SLC4A5: variants seen among roughly 807,000 people sequenced by gnomAD.
SLC4A5 encodes the protein solute carrier family 4 member 5, also known as electrogenic sodium bicarbonate cotransporter 4.
Under a neutral mutation model 120.4 loss-of-function variants are expected in SLC4A5, and 96 were observed. The observed-to-expected ratio is 0.80, with a 90% CI of 0.68 to 0.94. The LOEUF is 0.94. Among genes scored for constraint, SLC4A5 ranks in the 40% least tolerant of loss-of-function variants. The pLI is 0.00. For synonymous variants in SLC4A5, 550 were observed against 571.1 expected, an observed-to-expected ratio of 0.96 and a Z score of 0.53; for missense variants, 1,259 against 1,459.5, an observed-to-expected ratio of 0.86 and a Z score of 2.24.
chr2:74,306,507 A>G (rs72818076), intron 6 of SLC4A5, among the ~76,000 whole-genome samples: 2,252 of 152,320 alleles, frequency 0.015, 21 homozygotes, highest in Non-Finnish European at 0.025. Flanking sequence ...ACTGTCTTTG[A>G]CTGCCGAGCC....
intron 8 of SLC4A5, among the ~76,000 whole-genome samples, chr2:74,267,507 G>A (rs1671342420): frequency 6.6e-6 from 1 of 152,176 alleles, no homozygotes; most frequent in South Asian, 2.1e-4. Context: ...TGACAGGACG[G>A]ACACTACCAT....
At chr2:74,286,633 G>A (rs1671993238) in intron 7 of SLC4A5, among the ~76,000 whole-genome samples, 2 of 152,178 alleles carry the variant, frequency 1.3e-5, no homozygotes, top group Non-Finnish European at 2.9e-5. Flanking sequence ...TCTTGAGCAT[G>A]TCCTCTAGTG....
At chr2:74,227,947 A>G (rs1274098455) in intron 25 of SLC4A5, 69 bp from the exon 26 acceptor site, 3 of 1,223,708 alleles carry the variant, frequency 2.5e-6, no homozygotes, top group Non-Finnish European at 3.4e-6. Context: ...GTTCTGGATG[A>G]CAGTGGCTCC....
chr2:74,239,242 T>C (rs1167104510), intron 21 of SLC4A5, 93 bp downstream of exon 21: 3 of 1,228,408 alleles, frequency 2.4e-6, no homozygotes, highest in African/African-American at 1.5e-5. Flanking sequence ...AGTGCTCGCA[T>C]GGAGTCCATC....
intron 3 of SLC4A5, among the ~76,000 whole-genome samples, chr2:74,335,369 G>A (rs1247531260): frequency 6.6e-6 from 1 of 152,166 alleles, no homozygotes; most frequent in African/African-American, 2.4e-5. Context: ...GGGTACCTAG[G>A]AACTCGTTCT....
chr2:74,232,536 T>C (rs1357702602), exon 24 of SLC4A5: 1 of 1,613,924 alleles, frequency 6.2e-7, no homozygotes, highest in East Asian at 2.2e-5. Flanking sequence ...AGGCTGTCGA[T>C]GTGGGCGATG....
At chr2:74,264,440 G>T in intron 9 of SLC4A5, 141 bp from the exon 10 acceptor site, 1 of 928,032 alleles carries the variant, frequency 1.1e-6, no homozygotes, top group Non-Finnish European at 1.6e-6. Flanking sequence ...CACTAGCTGT[G>T]GAAAACTGGG....
At chr2:74,246,411 AG>A (rs2103969672) in intron 19 of SLC4A5, among the ~76,000 whole-genome samples, 1 of 152,310 alleles carries the variant, frequency 6.6e-6, no homozygotes, top group African/African-American at 2.4e-5. Flanking sequence ...TTCCTCATTC[AG>A]CTCTACATCC....
chr2:74,292,923 CCT>C (rs1275397353), intron 7 of SLC4A5, among the ~76,000 whole-genome samples: 1 of 152,080 alleles, frequency 6.6e-6, no homozygotes, highest in Non-Finnish European at 1.5e-5. Flanking sequence ...ACTGCTGGCC[CCT>C]GACATGGGTT....
chr2:74,294,395 A>G (rs1346945574), intron 7 of SLC4A5, among the ~76,000 whole-genome samples: 1 of 152,192 alleles, frequency 6.6e-6, no homozygotes, highest in Admixed American at 6.5e-5. Flanking sequence ...GTAAAAGGCA[A>G]TTATTACTCA....
In SLC4A5 at chr2:74,227,048, C is replaced by T. The variant is rs369953943; in HGVS notation, c.2999G>A (p.Arg1000Gln). 7 of 1,614,130 alleles carry T rather than the reference C, an allele frequency of 4.3e-6. No homozygotes were observed. Among genetic ancestry groups the T allele is most frequent in the East Asian group, 2.2e-5 (1 of 44,882 alleles). Residue 1000 changes from arginine to glutamine, a missense_variant, in exon 27 of 31, where the codon CGG becomes CAG. Arg to Gln is a conservative substitution (Grantham distance 43). Coordinates refer to ENST00000394019, the Ensembl canonical transcript of SLC4A5. ...CTGCACCAGGGTGAAGAGGTGGATC[C>T]GGCGCAGCGGCACGTGCCGCAGGAA...
At chr2:74,263,382 G>A (rs973269069) in intron 10 of SLC4A5, among the ~76,000 whole-genome samples, 2 of 152,152 alleles carry the variant, frequency 1.3e-5, no homozygotes, top group Non-Finnish European at 2.9e-5. Flanking sequence ...CACCATGTCC[G>A]GCCCACTTCC....
intron 2 of SLC4A5, 64 bp from the exon 3 acceptor site, chr2:74,338,967 T>C (rs1673561817): frequency 6.6e-6 from 1 of 152,132 alleles, no homozygotes; most frequent in African/African-American, 2.4e-5. Context: ...TATGTCACAG[T>C]TGTAGTGAGA....
intron 6 of SLC4A5, among the ~76,000 whole-genome samples, chr2:74,312,243 ATG>A (rs111417670): frequency 0.015 from 2,037 of 138,734 alleles, 18 homozygotes; most frequent in Non-Finnish European, 0.017. Context: ...GTGTGTGTAT[ATG>A]TGTGTGTGTG....
intron 3 of SLC4A5, among the ~76,000 whole-genome samples, chr2:74,335,092 T>G (rs567821212): frequency 1.3e-5 from 2 of 152,332 alleles, no homozygotes; most frequent in African/African-American, 2.4e-5. Context: ...CCACAGATTA[T>G]GTATCCTCCA....
chr2:74,244,512 C>T (rs866080745), intron 19 of SLC4A5, among the ~76,000 whole-genome samples: 23 of 149,168 alleles, frequency 1.5e-4, no homozygotes, highest in African/African-American at 5.0e-4. Flanking sequence ...TCTTTTCTTT[C>T]CCCTTTCTTT....
intron 6 of SLC4A5, among the ~76,000 whole-genome samples, chr2:74,305,107 T>G (rs1672602583): frequency 6.6e-6 from 1 of 152,222 alleles, no homozygotes; most frequent in African/African-American, 2.4e-5. Flanking sequence ...AATCAAGGAC[T>G]ACATAGACTA....
chr2:74,287,198 T>C (rs1416917229), intron 7 of SLC4A5, among the ~76,000 whole-genome samples: 2 of 152,186 alleles, frequency 1.3e-5, no homozygotes, highest in African/African-American at 4.8e-5. Context: ...CTTTTCTTCA[T>C]CACATCCTCC....
chr2:74,221,425 AGT>A lies in SLC4A5; in HGVS notation c.*33+7_*33+8del. The A allele has an allele frequency of 6.3e-7, 1 of 1,599,628 alleles. No homozygotes were observed. The highest frequency in any genetic ancestry group is 1.1e-5 in the South Asian group (1 of 90,744). On this transcript the variant is annotated splice_region_variant and intron_variant, in intron 30 of 30. Coordinates refer to ENST00000394019, the Ensembl canonical transcript of SLC4A5. The stretch of plus-strand genomic sequence containing the variant: ...CTAATACGCAAGGAGTCTACCTAAC[AGT>A]GTTTACCTTCGGTCAAGTTCTGTGT...
Sources: gnomAD v4.1 joint callset for allele counts (sites outside exome capture counted in the v4.1 genomes callset) on GRCh38, gnomAD v4.1.1 for gene constraint, MANE v1.5 for transcripts, NCBI Gene and HGNC (gene_info 2026-07-23, HGNC 2026-07-21) for gene names.